DTNBP1: variants seen among roughly 807,000 people sequenced by gnomAD.
DTNBP1 encodes dystrobrevin binding protein 1.
Under a neutral mutation model 42.8 loss-of-function variants are expected in DTNBP1, and 35 were observed. The ratio of observed to expected loss-of-function variants is 0.82; its 90% CI spans 0.63 to 1.09. The LOEUF (loss-of-function observed/expected upper bound fraction) is 1.09. Among genes scored for constraint, DTNBP1 ranks in the 50% least tolerant of loss-of-function variants. The probability of loss-of-function intolerance (pLI) is 0.00; values close to 1 mark genes in which losing one functional copy is unlikely to be tolerated. For synonymous variants in DTNBP1, 171 were observed against 162.2 expected, an observed-to-expected ratio of 1.05 and a Z score of -0.41; for missense variants, 457 against 424.2, an observed-to-expected ratio of 1.08 and a Z score of -0.68.
chr6:15,546,532 A>G (rs1374411223), intron 7 of DTNBP1, among the ~76,000 whole-genome samples: 1 of 152,242 alleles, frequency 6.6e-6, no homozygotes, highest in Non-Finnish European at 1.5e-5. Context: ...TCAAGAAAAT[A>G]AGATTTAATT....
At chr6:15,604,112 C>A (rs898379572) in intron 6 of DTNBP1, among the ~76,000 whole-genome samples, 2 of 152,212 alleles carry the variant, frequency 1.3e-5, no homozygotes, top group East Asian at 1.9e-4. Context: ...ACAGGGCTCA[C>A]CTCACTTGTT....
intron 7 of DTNBP1, among the ~76,000 whole-genome samples, chr6:15,582,165 A>C (rs546290520): frequency 7.9e-5 from 12 of 152,334 alleles, no homozygotes; most frequent in African/African-American, 2.6e-4. Flanking sequence ...GACTGGATAT[A>C]AATGCAATAC....
At chr6:15,639,238 T>C (rs2113773121) in intron 3 of DTNBP1, among the ~76,000 whole-genome samples, 1 of 152,362 alleles carries the variant, frequency 6.6e-6, no homozygotes, top group Admixed American at 6.5e-5. Context: ...TTATATGAAA[T>C]GCTAACACTG....
chr6:15,522,811 C>A lies in DTNBP1; in HGVS notation c.*164G>T. 8.1e-7 allele frequency: 1 copy of A among 1,239,856 alleles called. No individual in the cohort carries two copies. The highest frequency in any genetic ancestry group is 1.1e-6 in the Non-Finnish European group (1 of 876,342). The allele number at this position is 1,239,856 out of a possible 1,614,324, so 76.8% of individuals were successfully genotyped here. On this transcript the variant is annotated 3_prime_UTR_variant, in exon 10 of 10. Transcript: ENST00000344537. ...ACTAGCTCTGTGCGCTCTCAGTTTA[C>A]CGTCCTCACACTTTATTGTTAGCTG... is the stretch of plus-strand genomic sequence containing the variant.
chr6:15,629,553 A>ATTTAAG (rs77892115), intron 4 of DTNBP1, among the ~76,000 whole-genome samples: 23,447 of 152,072 alleles, frequency 0.15, 2,680 homozygotes, highest in African/African-American at 0.32. Flanking sequence ...CTAAACTATC[A>ATTTAAG]TTTAAAAGAA....
At chr6:15,559,621 T>C (rs1774727700) in intron 7 of DTNBP1, among the ~76,000 whole-genome samples, 2 of 152,156 alleles carry the variant, frequency 1.3e-5, no homozygotes, top group Admixed American at 1.3e-4. Context: ...AATCCCAGCA[T>C]AACCATTATA....
chr6:15,662,459 G>A (rs563881992), intron 1 of DTNBP1, among the ~76,000 whole-genome samples: 19 of 152,324 alleles, frequency 1.2e-4, no homozygotes, highest in African/African-American at 4.1e-4. Flanking sequence ...TGCCGCGGGG[G>A]CGGAAGCGGT....
chr6:15,532,697 CTTTTTTTT>C (rs373480713), intron 8 of DTNBP1, among the ~76,000 whole-genome samples: 1 of 93,100 alleles, frequency 1.1e-5, no homozygotes, highest in Admixed American at 1.5e-4. Flanking sequence ...TGTTTGTAAT[CTTTTTTTT>C]TTTTTTTTTT....
At chr6:15,658,038 T>C (rs1033894201) in intron 1 of DTNBP1, among the ~76,000 whole-genome samples, 4 of 152,230 alleles carry the variant, frequency 2.6e-5, no homozygotes, top group Admixed American at 6.5e-5. Flanking sequence ...TCATTCTGCT[T>C]TGCTTTATAT....
At chr6:15,615,453 T>G in intron 5 of DTNBP1, 54 bp from the exon 6 acceptor site, 2 of 1,603,944 alleles carry the variant, frequency 1.2e-6, no homozygotes, top group Non-Finnish European at 1.7e-6. Context: ...TCAATCATGA[T>G]GAATACAAAA....
intron 6 of DTNBP1, among the ~76,000 whole-genome samples, chr6:15,608,713 C>A (rs187323069): frequency 5.3e-4 from 80 of 152,354 alleles, no homozygotes; most frequent in Admixed American, 1.5e-3. Context: ...ACTTTATTTC[C>A]TCATGCTTGA....
At chr6:15,612,567 C>G (rs539697558) in intron 6 of DTNBP1, among the ~76,000 whole-genome samples, 8 of 152,298 alleles carry the variant, frequency 5.3e-5, no homozygotes, top group Non-Finnish European at 8.8e-5. Flanking sequence ...TTCTTTATAG[C>G]TGCACAAGTA....
At chr6:15,537,290 G>T (rs1232132825) in intron 7 of DTNBP1, among the ~76,000 whole-genome samples, 1 of 152,080 alleles carries the variant, frequency 6.6e-6, no homozygotes, top group Non-Finnish European at 1.5e-5. Context: ...GGGCATGGTG[G>T]TGCATGCCTG....
At chr6:15,652,343 G>A (rs1761050660) in intron 1 of DTNBP1, among the ~76,000 whole-genome samples, 1 of 151,800 alleles carries the variant, frequency 6.6e-6, no homozygotes, top group African/African-American at 2.4e-5. Flanking sequence ...CCACGCCTGG[G>A]TAATTTCTTT....
rs917414302 is a variant in DTNBP1, at chr6:15,578,134, A to G, written c.511+14925T>C. Among the ~76,000 whole-genome samples, 3 of 152,194 alleles carry G rather than the reference A, an allele frequency of 2.0e-5. No individual in the cohort carries two copies. The South Asian group carries it at 6.2e-4, about 31-fold the overall frequency. On this transcript the variant is annotated intron_variant, in intron 7 of 9. Coordinates refer to ENST00000344537, the MANE Select transcript of DTNBP1 (RefSeq NM_032122.5). Reference sequence around the variant, plus strand: ...GAGAAGGAAGGAGTCCAGCGCCTACACTGAGGGGCTTGCTGTGGAAGCAGG... The same window carrying G: ...GAGAAGGAAGGAGTCCAGCGCCTACGCTGAGGGGCTTGCTGTGGAAGCAGG...
At chr6:15,563,169 C>T (rs762015437) in intron 7 of DTNBP1, among the ~76,000 whole-genome samples, 2 of 152,168 alleles carry the variant, frequency 1.3e-5, no homozygotes, top group Non-Finnish European at 2.9e-5. Flanking sequence ...ACTCAGCTTT[C>T]AGATCTCAGC....
intron 3 of DTNBP1, among the ~76,000 whole-genome samples, chr6:15,648,481 A>C (rs1760806701): frequency 6.6e-6 from 1 of 152,078 alleles, no homozygotes; most frequent in African/African-American, 2.4e-5. Flanking sequence ...AAATGATATG[A>C]TCTTATATGC....
At chr6:15,651,078 T>C (rs1760966214) in intron 3 of DTNBP1, among the ~76,000 whole-genome samples, 2 of 152,188 alleles carry the variant, frequency 1.3e-5, no homozygotes, top group Non-Finnish European at 2.9e-5. Flanking sequence ...CATATTATCA[T>C]AAAGTATTGA....
chr6:15,600,543 C>T, intron 6 of DTNBP1, among the ~76,000 whole-genome samples: 1 of 152,012 alleles, frequency 6.6e-6, no homozygotes, highest in East Asian at 1.9e-4. Flanking sequence ...AATGAGCACT[C>T]TAACAGTAAT....
Sources: allele counts gnomAD v4.1 joint callset (sites outside exome capture counted in the v4.1 genomes callset), GRCh38; gene constraint gnomAD v4.1.1; transcripts MANE v1.5; gene names NCBI Gene and HGNC (gene_info 2026-07-23, HGNC 2026-07-21).